Variants in METTL6 observed in about 807,000 individuals in gnomAD.
METTL6 encodes methyltransferase 6, tRNA N3-cytidine.
METTL6 carries 22 observed loss-of-function variants against 26.4 expected under a neutral mutation model. The observed-to-expected ratio is 0.83, with a 90% confidence interval of 0.59 to 1.19. The LOEUF (loss-of-function observed/expected upper bound fraction) is 1.19, where lower values mean the gene tolerates loss of function less well. Ranked by LOEUF, METTL6 falls within the 50% of genes most tolerant of loss-of-function variation. METTL6 has a pLI of 0.00. For synonymous variants in METTL6, 109 were observed against 116.2 expected, an observed-to-expected ratio of 0.94 and a Z score of 0.40; for missense variants, 304 against 324.8, an observed-to-expected ratio of 0.94 and a Z score of 0.49.
intron 6 of METTL6, among the ~76,000 whole-genome samples, chr3:15,390,863 G>A (rs1164715956): frequency 1.3e-5 from 2 of 148,714 alleles, no homozygotes; most frequent in Admixed American, 6.6e-5. Context: ...TTTACTGGGC[G>A]ATGAAAGTGG....
In METTL6 at chr3:15,410,059, T is replaced by C. The variant is rs1699906698; in HGVS notation, c.*1197A>G. ...GGCTTTTCTTTGTGGAATTTTACAG[T>C]GAACAATATGGCTAAATTATGTTAT... On this transcript the variant is annotated 3_prime_UTR_variant, in exon 6 of 6. Transcript: ENST00000383790. Among the ~76,000 whole-genome samples the C allele has an allele frequency of 6.6e-6, 1 of 152,168 alleles. No homozygotes were observed. The highest frequency in any genetic ancestry group is 2.1e-4 in the South Asian group (1 of 4,828).
chr3:15,404,629 G>A (rs748243708), intron 6 of METTL6, among the ~76,000 whole-genome samples: 1 of 151,744 alleles, frequency 6.6e-6, no homozygotes, highest in African/African-American at 2.4e-5. Context: ...GGGATTACAG[G>A]TGTAAGCCAC....
At chr3:15,388,698 A>G (rs1176209661) in intron 6 of METTL6, among the ~76,000 whole-genome samples, 1 of 152,260 alleles carries the variant, frequency 6.6e-6, no homozygotes, top group African/African-American at 2.4e-5. Flanking sequence ...CTCCTAAACC[A>G]TAATTTCTAA....
chr3:15,407,017 T>C (rs1699821597), downstream of METTL6, among the ~76,000 whole-genome samples: 1 of 151,682 alleles, frequency 6.6e-6, no homozygotes, highest in Admixed American at 6.6e-5. Flanking sequence ...TAAATATTGT[T>C]TTTATTGTTT....
intron 6 of METTL6, among the ~76,000 whole-genome samples, chr3:15,401,536 C>CAAA (rs35578326): frequency 4.1e-3 from 294 of 71,490 alleles, no homozygotes; most frequent in Non-Finnish European, 4.4e-3. Context: ...ATGTTCACGC[C>CAAA]AAAAAAAAAA....
chr3:15,411,339 G>A lies in METTL6; in HGVS notation c.772C>T (p.Pro258Ser). 6.2e-7 allele frequency: 1 copy of A among 1,614,196 alleles called. No homozygotes were observed. Among genetic ancestry groups the A allele is most frequent in the Non-Finnish European group, 8.5e-7 (1 of 1,180,038 alleles). ...TVNKKEGLCV[P>S]RVFLQSKFLK... ...AATTTGCTCTGAAGGAAAACTCTTG[G>A]CACACACAGGCCTTCTTTTTTATTC... is the stretch of plus-strand genomic sequence containing the variant. The change falls in exon 6 of 6, where the codon CCA becomes TCA. Residue 258 changes from proline (P) to serine (S), a missense_variant. Transcript: ENST00000383790.
intron 3 of METTL6, among the ~76,000 whole-genome samples, chr3:15,421,081 G>T (rs568678091): frequency 6.6e-6 from 1 of 152,316 alleles, no homozygotes; most frequent in South Asian, 2.1e-4. Flanking sequence ...AAGAACGGGT[G>T]GAAGGAAGGG....
intron 1 of METTL6, among the ~76,000 whole-genome samples, 195 bp from the exon 2 acceptor site, chr3:15,426,830 T>G (rs985674177): frequency 2.0e-5 from 3 of 152,238 alleles, no homozygotes; most frequent in African/African-American, 7.2e-5. Context: ...GACTATCTCA[T>G]GCACCATACT....
chr3:15,411,110 G>A lies in METTL6; in HGVS notation c.*146C>T. 1.2e-6 allele frequency: 1 copy of A among 825,930 alleles called. No homozygotes were observed. The highest frequency in any genetic ancestry group is 1.8e-6 in the Non-Finnish European group (1 of 546,608). 51.2% of individuals were successfully genotyped at this position (825,930 alleles called of 1,614,324 possible). A position where few individuals can be genotyped will look rare whatever the true frequency, so the allele number is the denominator to read the frequency against. On this transcript the variant is annotated 3_prime_UTR_variant, in exon 6 of 6. Transcript: ENST00000383790. Reference sequence around the variant, plus strand: ...GGGTCTCACCATGTTGGCCAGGCTGGTCTCAAACTCCTGACCTCAGATGAT... The same window carrying A: ...GGGTCTCACCATGTTGGCCAGGCTGATCTCAAACTCCTGACCTCAGATGAT...
At chr3:15,423,931 G>A (rs971311009) in intron 3 of METTL6, among the ~76,000 whole-genome samples, 2 of 151,644 alleles carry the variant, frequency 1.3e-5, no homozygotes, top group African/African-American at 4.8e-5. Context: ...TGGAAGCCAG[G>A]TACAGTGGCT....
chr3:15,392,037 T>C (rs1699363705), intron 6 of METTL6, among the ~76,000 whole-genome samples: 1 of 152,202 alleles, frequency 6.6e-6, no homozygotes, highest in South Asian at 2.1e-4. Flanking sequence ...CTGGGTCAGA[T>C]GGTATTTCTA....
At chr3:15,393,970 T>TG (rs1325799792) in intron 6 of METTL6, among the ~76,000 whole-genome samples, 6 of 152,346 alleles carry the variant, frequency 3.9e-5, no homozygotes, top group Non-Finnish European at 5.9e-5. Context: ...TCTTTTGTTG[T>TG]GTCTCTGCCA....
chr3:15,424,073 G>C lies in METTL6; in HGVS notation c.360+882C>G, dbSNP rs116370563. ...AATTAAAAAATTGTCTCTGCTACTT[G>C]AGAGGCTGAGGTGAAAGAATCGCTT... is the stretch of plus-strand genomic sequence containing the variant. On this transcript the variant is annotated intron_variant, in intron 3 of 5. Transcript: ENST00000383790. Among the ~76,000 whole-genome samples, 1,440 of 152,188 alleles carry C rather than the reference G, an allele frequency of 9.5e-3. 16 individuals are homozygous for C. Among genetic ancestry groups the C allele is most frequent in the African/African-American group, 0.012 (512 of 41,502 alleles).
intron 6 of METTL6, among the ~76,000 whole-genome samples, chr3:15,393,528 AC>A (rs1467370869): frequency 1.3e-5 from 2 of 152,304 alleles, no homozygotes; most frequent in Non-Finnish European, 2.9e-5. Context: ...AACTTCCAAC[AC>A]TATGTTGAAT....
intron 3 of METTL6, among the ~76,000 whole-genome samples, chr3:15,420,207 G>A (rs1253795964): frequency 4.0e-5 from 6 of 151,876 alleles, no homozygotes; most frequent in Non-Finnish European, 7.4e-5. Flanking sequence ...TATTATAACA[G>A]GTAAATAAAA....
intron 6 of METTL6, among the ~76,000 whole-genome samples, chr3:15,399,909 G>A (rs1277802731): frequency 6.6e-6 from 1 of 152,028 alleles, no homozygotes; most frequent in Non-Finnish European, 1.5e-5. Context: ...TAAAGACACA[G>A]GAATAGCTCT....
In METTL6 at chr3:15,415,863, G is replaced by A. The variant is rs765792385; in HGVS notation, c.440C>T (p.Pro147Leu). 40 of 1,613,958 alleles carry A rather than the reference G, an allele frequency of 2.5e-5. No homozygotes were observed. The highest frequency in any genetic ancestry group is 5.3e-5 in the African/African-American group (4 of 74,892). ...LTKDDLLDHV[P>L]PESVDVVMLI... ...CATAACAACATCCACAGACTCTGGC[G>A]GTACATGATCCAGAAGATCATCTTT... Residue 147 changes from proline to leucine, a missense_variant, in exon 4 of 6, where the codon CCG becomes CTG. Coordinates refer to ENST00000383790, the MANE Select transcript of METTL6 (RefSeq NM_152396.4).
intron 6 of METTL6, among the ~76,000 whole-genome samples, chr3:15,391,014 G>T (rs1699330401): frequency 6.6e-6 from 1 of 152,210 alleles, no homozygotes; most frequent in Admixed American, 6.5e-5. Flanking sequence ...CGGGAAGAAG[G>T]TGATCTTTCC....
downstream of METTL6, among the ~76,000 whole-genome samples, chr3:15,408,275 A>G (rs1354042368): frequency 6.6e-6 from 1 of 152,082 alleles, no homozygotes; most frequent in Non-Finnish European, 1.5e-5. Context: ...TCATACAGGT[A>G]TGTTCACTCT....
Sources: allele counts gnomAD v4.1 joint callset (sites outside exome capture counted in the v4.1 genomes callset), GRCh38; gene constraint gnomAD v4.1.1; transcripts MANE v1.5; gene names NCBI Gene and HGNC (gene_info 2026-07-23, HGNC 2026-07-21).